The following RAB20 variants were observed in gnomAD, a reference collection of about 807,000 sequenced individuals.
RAB20 encodes RAB20, member RAS oncogene family.
RAB20 carries 2 observed loss-of-function variants against 3.7 expected under a neutral mutation model. That is an observed-to-expected ratio of 0.54 (90% CI 0.22 to 1.69). RAB20 has a LOEUF of 1.69. Ranked by LOEUF, RAB20 falls within the 40% of genes most tolerant of loss-of-function variation. The pLI is 0.19. For synonymous variants in RAB20, 126 were observed against 130.8 expected (o/e 0.96, Z 0.25); for missense variants, 276 against 311.9 (o/e 0.88, Z 0.87).
intron 1 of RAB20, among the ~76,000 whole-genome samples, chr13:110,559,957 A>C (rs531681994): frequency 3.1e-4 from 47 of 152,316 alleles, no homozygotes; most frequent in African/African-American, 1.1e-3. Context: ...CTCCTGCATT[A>C]ACCTTGCTAC....
At chr13:110,556,668 G>A (rs1166165277) in intron 1 of RAB20, among the ~76,000 whole-genome samples, 1 of 151,814 alleles carries the variant, frequency 6.6e-6, no homozygotes, top group African/African-American at 2.4e-5. Context: ...CAAGTAGCTG[G>A]GACTACAGGT....
chr13:110,547,493 T>G (rs1566589716), intron 1 of RAB20, among the ~76,000 whole-genome samples: 1 of 152,240 alleles, frequency 6.6e-6, no homozygotes, highest in East Asian at 1.9e-4. Context: ...CGTAGCCCGA[T>G]GTACATTTAT....
At chr13:110,556,993 C>A (rs931070079) in intron 1 of RAB20, among the ~76,000 whole-genome samples, 5 of 152,130 alleles carry the variant, frequency 3.3e-5, no homozygotes, top group African/African-American at 9.7e-5. Flanking sequence ...GAGGGCAGCC[C>A]GGATTGGCCT....
chr13:110,548,622 C>T (rs1884895714), intron 1 of RAB20, among the ~76,000 whole-genome samples: 1 of 152,000 alleles, frequency 6.6e-6, no homozygotes, highest in South Asian at 2.1e-4. Flanking sequence ...TGTTCTGTTC[C>T]TTTTTTATGC....
At chr13:110,529,747 C>A (rs1406222096) in intron 1 of RAB20, among the ~76,000 whole-genome samples, 1 of 152,170 alleles carries the variant, frequency 6.6e-6, no homozygotes, top group African/African-American at 2.4e-5. Flanking sequence ...GGAAGGAGCC[C>A]AGCCTTCCGC....
intron 1 of RAB20, among the ~76,000 whole-genome samples, chr13:110,541,188 T>G (rs1270301968): frequency 6.6e-6 from 1 of 152,134 alleles, no homozygotes; most frequent in African/African-American, 2.4e-5. Context: ...CCTCTGATAC[T>G]CTCCACCTGG....
At position 110,546,716 on chromosome 13, in the gene RAB20, T is replaced by G. The variant is rs550554223; in HGVS notation, c.172+14632A>C. Among the ~76,000 whole-genome samples, 328 of 131,554 alleles carry G rather than the reference T, an allele frequency of 2.5e-3. 1 individual carries two copies. The highest frequency in any genetic ancestry group is 8.4e-3 in the African/African-American group (315 of 37,564). 86.3% of individuals were successfully genotyped at this position (131,554 alleles called of 152,430 possible). On this transcript the variant is annotated intron_variant, in intron 1 of 1. Transcript: ENST00000267328. ...TGAACTTCTGTTTTTTTTTGTTTTT[T>G]GGGTTTTTTGTTTGTTTGTTTGTTT... is the stretch of plus-strand genomic sequence containing the variant.
At position 110,543,040 on chromosome 13, in the gene RAB20, T is replaced by C. The variant is rs559589969; in HGVS notation, c.172+18308A>G. On this transcript the variant is annotated intron_variant, in intron 1 of 1. Transcript: ENST00000267328. ...CTGCTAACTTGGCTGTCTCTGCAATTAGTCATATTGAACATTTTTTCATAT... is the reference window on the plus strand; with the variant it reads ...CTGCTAACTTGGCTGTCTCTGCAATCAGTCATATTGAACATTTTTTCATAT... Among the ~76,000 whole-genome samples, 88 of 152,352 alleles carry C rather than the reference T, an allele frequency of 5.8e-4. 1 individual carries two copies. The highest frequency in any genetic ancestry group is 2.1e-3 in the African/African-American group (86 of 41,588).
chr13:110,560,656 T>TA (rs1885113912), intron 1 of RAB20, among the ~76,000 whole-genome samples: 1 of 152,166 alleles, frequency 6.6e-6, no homozygotes, highest in African/African-American at 2.4e-5. Context: ...TTTCCAAAGT[T>TA]AAACAGAAAG....
At chr13:110,557,075 T>G (rs1018516446) in intron 1 of RAB20, among the ~76,000 whole-genome samples, 3 of 152,090 alleles carry the variant, frequency 2.0e-5, no homozygotes, top group African/African-American at 4.8e-5. Flanking sequence ...GCGAGAAGCA[T>G]AGCAGAGAAA....
At chr13:110,539,091 T>C (rs1191547672) in intron 1 of RAB20, among the ~76,000 whole-genome samples, 1 of 152,244 alleles carries the variant, frequency 6.6e-6, no homozygotes, top group Non-Finnish European at 1.5e-5. Flanking sequence ...TAGGTGACCT[T>C]ATTTTTTAAA....
chr13:110,537,688 G>A (rs1314574948), intron 1 of RAB20, among the ~76,000 whole-genome samples: 1 of 151,356 alleles, frequency 6.6e-6, no homozygotes, highest in Non-Finnish European at 1.5e-5. Flanking sequence ...CCTAAAGTGA[G>A]TCCAGCCACT....
At chr13:110,549,057 C>A (rs954359289) in intron 1 of RAB20, among the ~76,000 whole-genome samples, 12 of 152,218 alleles carry the variant, frequency 7.9e-5, no homozygotes, top group South Asian at 2.1e-4. Flanking sequence ...GACTTCCTTG[C>A]AGAACCCTAG....
chr13:110,531,809 T>C (rs1425585217), intron 1 of RAB20, among the ~76,000 whole-genome samples: 3 of 152,272 alleles, frequency 2.0e-5, no homozygotes, highest in Admixed American at 2.0e-4. Context: ...TATTCTCAGA[T>C]GATGACCTTC....
chr13:110,541,840 A>ACACACACT (rs896109435), intron 1 of RAB20, among the ~76,000 whole-genome samples: 11 of 149,488 alleles, frequency 7.4e-5, no homozygotes, highest in Non-Finnish European at 1.5e-4. Flanking sequence ...ACACACACAC[A>ACACACACT]CTCTCACATA....
intron 1 of RAB20, among the ~76,000 whole-genome samples, chr13:110,550,270 A>G (rs1423636109): frequency 2.6e-5 from 4 of 152,206 alleles, no homozygotes; most frequent in Non-Finnish European, 4.4e-5. Flanking sequence ...ACCTTGCTCC[A>G]TGTGTCTCTT....
chr13:110,523,498 C>A lies in RAB20; in HGVS notation c.*167G>T. The stretch of plus-strand genomic sequence containing the variant: ...TGACAGAGACTGAGGAGACCACACA[C>A]GTTGACCTCCTCTTCATAGCCAGCC... On this transcript the variant is annotated 3_prime_UTR_variant, in exon 2 of 2. Coordinates refer to ENST00000267328, the MANE Select transcript of RAB20 (RefSeq NM_017817.3). 1.6e-6 allele frequency: 2 copies of A among 1,282,520 alleles called. No individual in the cohort carries two copies. Among genetic ancestry groups the A allele is most frequent in the Non-Finnish European group, 2.1e-6 (2 of 957,220 alleles). The allele number at this position is 1,282,520 out of a possible 1,614,324, so 79.4% of individuals were successfully genotyped here.
chr13:110,561,284 G>A (rs1003810154), intron 1 of RAB20, 64 bp downstream of exon 1: 4 of 1,471,884 alleles, frequency 2.7e-6, no homozygotes, highest in Admixed American at 5.1e-5. Context: ...CCTGCTGGAA[G>A]CCCCGCGCCC....
intron 1 of RAB20, among the ~76,000 whole-genome samples, chr13:110,527,105 T>TA (rs1884443435): frequency 6.6e-6 from 1 of 152,082 alleles, no homozygotes; most frequent in African/African-American, 2.4e-5. Context: ...AACCACTGTT[T>TA]AGAGCCAAAT....
Sources: allele counts gnomAD v4.1 joint callset (sites outside exome capture counted in the v4.1 genomes callset), GRCh38; gene constraint gnomAD v4.1.1; transcripts MANE v1.5; gene names NCBI Gene and HGNC (gene_info 2026-07-23, HGNC 2026-07-21).